TFDP2: variants seen among roughly 807,000 people sequenced by gnomAD.
TFDP2 encodes transcription factor Dp-2, also known as transcription factor Dp-2 (E2F dimerization partner 2).
TFDP2 carries 17 observed loss-of-function variants against 59.3 expected under a neutral mutation model. The ratio of observed to expected loss-of-function variants is 0.29; its 90% CI spans 0.20 to 0.43. The LOEUF (loss-of-function observed/expected upper bound fraction) is 0.43. TFDP2 is among the 20% of genes least tolerant of loss of function. The pLI is 1.00. For synonymous variants in TFDP2, 180 were observed against 194.7 expected (o/e 0.92, Z 0.63); for missense variants, 391 against 528.8 (o/e 0.74, Z 2.56).
chr3:141,989,757 C>T (rs139677709), intron 6 of TFDP2, among the ~76,000 whole-genome samples: 35 of 152,250 alleles, frequency 2.3e-4, no homozygotes, highest in Non-Finnish European at 4.6e-4. Context: ...ACTTCTTCCA[C>T]GCAATATGCG....
intron 2 of TFDP2, among the ~76,000 whole-genome samples, chr3:142,097,991 C>T (rs1035065584): frequency 2.0e-5 from 3 of 152,128 alleles, no homozygotes; most frequent in Admixed American, 6.6e-5. Context: ...TGGGGTTTTA[C>T]CATGTTGGCC....
At chr3:142,043,426 C>T (rs186312602) in intron 3 of TFDP2, among the ~76,000 whole-genome samples, 3 of 151,368 alleles carry the variant, frequency 2.0e-5, no homozygotes, top group East Asian at 2.0e-4. Flanking sequence ...TGCAGTGGTG[C>T]GATCTTGGCT....
chr3:142,062,667 A>G (rs1015630370), intron 3 of TFDP2, among the ~76,000 whole-genome samples: 1 of 152,118 alleles, frequency 6.6e-6, no homozygotes, highest in Non-Finnish European at 1.5e-5. Context: ...AAATACGTAC[A>G]TGTGTTCACC....
In TFDP2 at chr3:142,049,246, T is replaced by C. The variant is rs1340420948; in HGVS notation, c.83-43702A>G. Among the ~76,000 whole-genome samples the C allele has an allele frequency of 3.3e-5, 5 of 152,316 alleles. No individual in the cohort carries two copies. The East Asian group carries it at 9.6e-4, about 29-fold the overall frequency. On this transcript the variant is annotated intron_variant, in intron 3 of 12. Transcript: ENST00000489671. Reference sequence around the variant, plus strand: ...AATGAAATTTTAGCTAACTGAATTCTAGAATATATAAAAAGGATAACATAT... The same window carrying C: ...AATGAAATTTTAGCTAACTGAATTCCAGAATATATAAAAAGGATAACATAT...
chr3:141,994,940 G>A, intron 5 of TFDP2, 80 bp downstream of exon 5: 1 of 1,283,128 alleles, frequency 7.8e-7, no homozygotes, highest in Non-Finnish European at 1.0e-6. Flanking sequence ...ACTAAAACAA[G>A]AACAGAAGAC....
chr3:141,963,743 G>T, intron 10 of TFDP2, 69 bp downstream of exon 10: 1 of 1,520,322 alleles, frequency 6.6e-7, no homozygotes, highest in Non-Finnish European at 8.9e-7. Flanking sequence ...CATCCTTCTT[G>T]AGTTTGCAAA....
intron 3 of TFDP2, among the ~76,000 whole-genome samples, chr3:142,006,201 A>G (rs2108269701): frequency 6.6e-6 from 1 of 152,316 alleles, no homozygotes; most frequent in Non-Finnish European, 1.5e-5. Context: ...CAAAAGGAAA[A>G]GCCAACCTAT....
intron 6 of TFDP2, among the ~76,000 whole-genome samples, chr3:141,979,777 C>A (rs149420622): frequency 3.3e-5 from 5 of 152,044 alleles, no homozygotes; most frequent in Non-Finnish European, 7.4e-5. Flanking sequence ...TTAGTAGAGA[C>A]GGGGTTTCAT....
intron 6 of TFDP2, among the ~76,000 whole-genome samples, chr3:141,981,463 G>A (rs1324834228): frequency 6.6e-6 from 1 of 152,084 alleles, no homozygotes; most frequent in South Asian, 2.1e-4. Context: ...TCTATGTTAT[G>A]TACATAGAAA....
intron 1 of TFDP2, among the ~76,000 whole-genome samples, chr3:142,118,166 C>CAAGG (rs2061908973): frequency 6.6e-6 from 1 of 152,042 alleles, no homozygotes; most frequent in Admixed American, 6.6e-5. Context: ...TTAATAGAAT[C>CAAGG]AAGGAACAAC....
intron 11 of TFDP2, among the ~76,000 whole-genome samples, chr3:141,956,603 G>C (rs910914045): frequency 1.3e-5 from 2 of 151,924 alleles, no homozygotes; most frequent in Non-Finnish European, 2.9e-5. Context: ...CATACAAATA[G>C]TCAATAAACA....
Position 142,121,774 on chromosome 3 carries a change from G to A in TFDP2, c.-92-19933C>T, listed in dbSNP as rs2062055426. ...GCACTTCTGGGATGCTGAGGCGGACGGAACACCTGAGGTCAGGAGTTCGAG... is the reference window on the plus strand; with the variant it reads ...GCACTTCTGGGATGCTGAGGCGGACAGAACACCTGAGGTCAGGAGTTCGAG... On this transcript the variant is annotated intron_variant, in intron 1 of 12. Coordinates refer to ENST00000489671, the MANE Select transcript of TFDP2 (RefSeq NM_001178139.2). This position sits in a 1 kb window ranked among gnomAD's most constrained non-coding sequence, Gnocchi z 4.3. Among the ~76,000 whole-genome samples the A allele has an allele frequency of 6.6e-6, 1 of 151,880 alleles. No homozygotes were observed. Among genetic ancestry groups the A allele is most frequent in the South Asian group, 2.1e-4 (1 of 4,794 alleles).
chr3:141,953,954 TG>T (rs1936241414), intron 11 of TFDP2, among the ~76,000 whole-genome samples: 1 of 151,212 alleles, frequency 6.6e-6, no homozygotes, highest in Non-Finnish European at 1.5e-5. Flanking sequence ...GCGGATCACC[TG>T]AAGTTGGGAG....
At chr3:142,130,552 C>T (rs1467415234) in intron 1 of TFDP2, among the ~76,000 whole-genome samples, 1 of 151,178 alleles carries the variant, frequency 6.6e-6, no homozygotes, top group Non-Finnish European at 1.5e-5. Flanking sequence ...AGGTTTGTTA[C>T]ATATGTATAC....
At chr3:142,049,205 A>G (rs1028813022) in intron 3 of TFDP2, among the ~76,000 whole-genome samples, 3 of 152,214 alleles carry the variant, frequency 2.0e-5, no homozygotes, top group African/African-American at 7.2e-5. Context: ...CCTCATGAAC[A>G]CTCACAAAAA....
At chr3:141,989,892 TA>T (rs1295688966) in intron 6 of TFDP2, among the ~76,000 whole-genome samples, 9 of 149,704 alleles carry the variant, frequency 6.0e-5, no homozygotes, top group Non-Finnish European at 1.3e-4. Flanking sequence ...ATAATAATAA[TA>T]ATTATTATTA....
intron 6 of TFDP2, chr3:141,989,242 C>T (rs879411410): frequency 4.6e-5 from 7 of 152,202 alleles, no homozygotes; most frequent in African/African-American, 7.2e-5. Flanking sequence ...ACATGAGCTT[C>T]TTGTATGCAC....
chr3:141,946,363 G>A lies in TFDP2; in HGVS notation c.*6150C>T, dbSNP rs1935249423. On this transcript the variant is annotated 3_prime_UTR_variant, in exon 13 of 13. Coordinates refer to ENST00000489671, the MANE Select transcript of TFDP2 (RefSeq NM_001178139.2). ...AAAGTCTAACCTGCTGAAACAGCAA[G>A]GGGCAAGACAGCATTGACTTCAACA... 1 of 152,258 alleles carries A rather than the reference G, an allele frequency of 6.6e-6. No homozygotes were observed. Among genetic ancestry groups the A allele is most frequent in the Admixed American group, 6.5e-5 (1 of 15,280 alleles). 9.4% of individuals were successfully genotyped at this position (152,258 alleles called of 1,614,324 possible).
rs1159010558 is a variant in TFDP2 at position 142,061,913 on chromosome 3, C to CT, written c.82+31147_82+31148insA. Among the ~76,000 whole-genome samples the CT allele has an allele frequency of 2.3e-4, 34 of 150,204 alleles. 1 individual carries two copies. Among genetic ancestry groups the CT allele is most frequent in the South Asian group, 6.5e-4 (3 of 4,612 alleles). ...CTACACACACACACACACACACACA[C>CT]ACACACACACACACACACACACACA... On this transcript the variant is annotated intron_variant, in intron 3 of 12. Coordinates refer to ENST00000489671, the MANE Select transcript of TFDP2 (RefSeq NM_001178139.2).
Sources: allele counts gnomAD v4.1 joint callset (sites outside exome capture counted in the v4.1 genomes callset), GRCh38; gene constraint gnomAD v4.1.1; non-coding constraint Gnocchi (gnomAD v3.1); transcripts MANE v1.5; gene names NCBI Gene and HGNC (gene_info 2026-07-23, HGNC 2026-07-21).